The following GALNT17 variants were observed in gnomAD, a reference collection of about 807,000 sequenced individuals.
GALNT17 encodes UDP-GalNAc:polypeptide N-acetylgalactosaminyltransferase-like 3.
GALNT17 carries 29 observed loss-of-function variants against 63.7 expected under a neutral mutation model. The ratio of observed to expected loss-of-function variants is 0.46; its 90% confidence interval spans 0.34 to 0.62. GALNT17 has a LOEUF of 0.62. GALNT17 is among the 20% of genes least tolerant of loss of function. GALNT17 has a pLI of 0.01. For missense variants in GALNT17, 603 were observed against 799.6 expected (o/e 0.75, Z 2.97); for synonymous variants, 305 against 318.3 (o/e 0.96, Z 0.45).
At chr7:71,701,908 T>C (rs1306974706) in intron 9 of GALNT17, among the ~76,000 whole-genome samples, 1,537 of 104,430 alleles carry the variant, frequency 0.015, 41 homozygotes, top group African/African-American at 0.051. Flanking sequence ...CATATATATA[T>C]ATACATATAT....
At chr7:71,338,584 T>A (rs948625851) in intron 2 of GALNT17, among the ~76,000 whole-genome samples, 8 of 152,130 alleles carry the variant, frequency 5.3e-5, no homozygotes, top group African/African-American at 1.9e-4. Context: ...CTCTCAGATT[T>A]AAGAATTACT....
chr7:71,634,117 C>T (rs1473011148), intron 6 of GALNT17, among the ~76,000 whole-genome samples: 1 of 152,192 alleles, frequency 6.6e-6, no homozygotes, highest in Non-Finnish European at 1.5e-5. Flanking sequence ...TCTTGCAACC[C>T]TCAGCCCCCT....
At chr7:71,657,817 G>A (rs1456503491) in intron 6 of GALNT17, among the ~76,000 whole-genome samples, 1 of 151,998 alleles carries the variant, frequency 6.6e-6, no homozygotes, top group African/African-American at 2.4e-5. Flanking sequence ...GGGCTGGGGT[G>A]GGATCCAGGT....
chr7:71,607,749 C>T (rs1347483313), intron 6 of GALNT17, among the ~76,000 whole-genome samples: 1 of 152,122 alleles, frequency 6.6e-6, no homozygotes, highest in Non-Finnish European at 1.5e-5. Flanking sequence ...AAAAAAACCC[C>T]ACAGATTAAA....
intron 1 of GALNT17, among the ~76,000 whole-genome samples, chr7:71,266,305 G>A (rs924323711): frequency 7.9e-5 from 12 of 152,086 alleles, no homozygotes; most frequent in East Asian, 3.9e-4. Context: ...CCTATGTGTC[G>A]GAGGAGGGGC....
intron 1 of GALNT17, among the ~76,000 whole-genome samples, chr7:71,185,578 G>C (rs1410788974): frequency 1.4e-5 from 2 of 147,624 alleles, no homozygotes; most frequent in East Asian, 4.0e-4. Context: ...GCTGGAGTTG[G>C]CTCACTGCAA....
chr7:71,496,432 G>T (rs1233550395), intron 5 of GALNT17, among the ~76,000 whole-genome samples: 2 of 152,068 alleles, frequency 1.3e-5, no homozygotes, highest in Admixed American at 1.3e-4. Context: ...CTGTTTGGTG[G>T]ACCTCACGTA....
rs1562847692 is a variant in GALNT17 at position 71,132,877 on chromosome 7, G to A, written c.75G>A (p.Leu25=). ...LIAVAGFVLF[L]AKCRPIAVRS... ...CGGTAGCCGGCTTCGTGCTCTTCCT[G>A]GCCAAGTGCCGGCCCATCGCGGTGC... Residue 25 remains leucine, a synonymous_variant, in exon 1 of 11, where the codon CTG becomes CTA. Transcript: ENST00000333538. 2.5e-6 allele frequency: 4 copies of A among 1,613,086 alleles called. No homozygotes were observed. Among genetic ancestry groups the A allele is most frequent in the Non-Finnish European group, 2.5e-6 (3 of 1,179,528 alleles).
intron 1 of GALNT17, among the ~76,000 whole-genome samples, chr7:71,145,791 C>T (rs1788011720): frequency 6.6e-6 from 1 of 152,164 alleles, no homozygotes; most frequent in Admixed American, 6.5e-5. Context: ...CTATAACCTT[C>T]ACCTCCTGGG....
At chr7:71,364,958 T>C (rs1479071203) in intron 2 of GALNT17, among the ~76,000 whole-genome samples, 1 of 112,470 alleles carries the variant, frequency 8.9e-6, no homozygotes, top group Non-Finnish European at 1.9e-5. Flanking sequence ...TGAGATGGAG[T>C]CTCACTCTGT....
At position 71,265,098 on chromosome 7, in the gene GALNT17, T is replaced by TTTTATATATATATATATATATATATA. The variant is rs144493671; in HGVS notation, c.239-70451_239-70450insTTATATATATATATATATATATATAT. ...AAATACCACACGTAACCCATAAATA[T>TTTTATATATATATATATATATATATA]TATATATATATATATATATATTTTT... On this transcript the variant is annotated intron_variant, in intron 1 of 10. Coordinates refer to ENST00000333538, the MANE Select transcript of GALNT17 (RefSeq NM_022479.3). Among the ~76,000 whole-genome samples the TTTTATATATATATATATATATATATA allele has an allele frequency of 3.4e-3, 268 of 78,216 alleles. 35 individuals carry two copies. The highest frequency in any genetic ancestry group is 6.0e-3 in the Middle Eastern group (1 of 168). The allele number at this position is 78,216 out of a possible 152,430, so 51.3% of individuals were successfully genotyped here.
At chr7:71,679,530 G>A (rs1010841406) in intron 9 of GALNT17, among the ~76,000 whole-genome samples, 6 of 152,146 alleles carry the variant, frequency 3.9e-5, no homozygotes, top group Admixed American at 1.3e-4. Flanking sequence ...CTCCCAAATC[G>A]TTTACCCTTG....
intron 5 of GALNT17, among the ~76,000 whole-genome samples, chr7:71,484,962 C>CTTTT (rs779772231): frequency 2.1e-5 from 1 of 47,588 alleles, no homozygotes; most frequent in Non-Finnish European, 3.8e-5. Flanking sequence ...CCACACCTGG[C>CTTTT]TTTTTTTTTT....
intron 6 of GALNT17, among the ~76,000 whole-genome samples, chr7:71,621,895 A>G (rs1247291000): frequency 6.6e-6 from 1 of 152,194 alleles, no homozygotes; most frequent in Non-Finnish European, 1.5e-5. Context: ...TCTTTTGATC[A>G]TGGACCCTGG....
At chr7:71,323,033 A>G (rs76238590) in intron 1 of GALNT17, among the ~76,000 whole-genome samples, 2 of 151,542 alleles carry the variant, frequency 1.3e-5, no homozygotes, top group African/African-American at 2.4e-5. Flanking sequence ...TTTAGCCTGG[A>G]AAAAAAAAGA....
At position 71,433,040 on chromosome 7, in the gene GALNT17, G is replaced by A. The variant is rs914438466; in HGVS notation, c.962+11935G>A. 2.4e-4 allele frequency among the ~76,000 whole-genome samples: 37 copies of A among 152,226 alleles called. 2 individuals carry two copies. The highest frequency in any genetic ancestry group is 7.5e-4 in the African/African-American group (31 of 41,574). ...TGGCCAGGCTGGTCTCCACACCTCAGGTGATCTGCCCACCTTGGCCTCCCA... is the reference window on the plus strand; with the variant it reads ...TGGCCAGGCTGGTCTCCACACCTCAAGTGATCTGCCCACCTTGGCCTCCCA... On this transcript the variant is annotated intron_variant, in intron 5 of 10. Coordinates refer to ENST00000333538, the MANE Select transcript of GALNT17 (RefSeq NM_022479.3).
At chr7:71,157,916 T>C (rs191991884) in intron 1 of GALNT17, among the ~76,000 whole-genome samples, 2 of 151,828 alleles carry the variant, frequency 1.3e-5, no homozygotes, top group Admixed American at 6.6e-5. Context: ...CTTAAAATAA[T>C]GTATGTCAGT....
At chr7:71,705,579 A>T (rs780522593) in intron 9 of GALNT17, among the ~76,000 whole-genome samples, 10 of 152,240 alleles carry the variant, frequency 6.6e-5, no homozygotes, top group Non-Finnish European at 1.3e-4. Context: ...GAATATCCAC[A>T]GCAGCATCAT....
At position 71,498,634 on chromosome 7, in the gene GALNT17, G is replaced by A. The variant is rs538069742; in HGVS notation, c.963-72651G>A. 3.0e-4 allele frequency among the ~76,000 whole-genome samples: 46 copies of A among 152,286 alleles called. No individual in the cohort carries two copies. The East Asian group carries it at 5.4e-3, about 18-fold the overall frequency. On this transcript the variant is annotated intron_variant, in intron 5 of 10. Transcript: ENST00000333538. ...TTGGGAGTACTGAAGAGAATCAAGT[G>A]TACAAGGAGGAGATGAACATTTGCC...
Sources: allele counts gnomAD v4.1 joint callset (sites outside exome capture counted in the v4.1 genomes callset), GRCh38; gene constraint gnomAD v4.1.1; transcripts MANE v1.5; gene names NCBI Gene and HGNC (gene_info 2026-07-23, HGNC 2026-07-21).